Variants in TANC1 observed in about 807,000 individuals in gnomAD.
TANC1 encodes the protein protein TANC1.
In TANC1, 77 loss-of-function variants were observed where a neutral mutation model predicts 149.7. The observed-to-expected ratio is 0.51, with a 90% CI of 0.43 to 0.62. The LOEUF is 0.62. Among genes scored for constraint, TANC1 ranks in the 20% least tolerant of loss-of-function variants. The pLI is 0.00. For missense variants in TANC1, 1,985 were observed against 2,321.8 expected, an observed-to-expected ratio of 0.85 and a Z score of 2.98; for synonymous variants, 854 against 925.0, an observed-to-expected ratio of 0.92 and a Z score of 1.39.
At chr2:159,159,266 C>A (rs1050388496) in intron 7 of TANC1, among the ~76,000 whole-genome samples, 2 of 151,688 alleles carry the variant, frequency 1.3e-5, no homozygotes, top group African/African-American at 4.8e-5. Context: ...GGCAACATGG[C>A]GGCACCCTGT....
At chr2:159,132,079 C>T (rs11904329) in intron 4 of TANC1, among the ~76,000 whole-genome samples, 5,236 of 152,274 alleles carry the variant, frequency 0.034, 105 homozygotes, top group Non-Finnish European at 0.047. Flanking sequence ...AGTGCCTGGG[C>T]TTCAAAACTG....
At chr2:159,200,291 C>T (rs551276566) in intron 19 of TANC1, among the ~76,000 whole-genome samples, 1 of 152,220 alleles carries the variant, frequency 6.6e-6, no homozygotes, top group Admixed American at 6.5e-5. Flanking sequence ...TGGGCTTAGA[C>T]ATTCTGATTC....
intron 2 of TANC1, chr2:159,055,878 A>G (rs1189596712): frequency 1.2e-5 from 2 of 164,610 alleles, no homozygotes; most frequent in Non-Finnish European, 2.6e-5. Flanking sequence ...TAGCTTATTT[A>G]TTTATTTATT....
chr2:159,129,116 T>C (rs1053399463), intron 4 of TANC1, among the ~76,000 whole-genome samples: 4 of 152,174 alleles, frequency 2.6e-5, no homozygotes, highest in African/African-American at 7.2e-5. Flanking sequence ...CCTCCAGATA[T>C]CATGAAAAAT....
At chr2:159,063,918 C>T (rs1196959297) in intron 2 of TANC1, among the ~76,000 whole-genome samples, 3 of 152,064 alleles carry the variant, frequency 2.0e-5, no homozygotes, top group Non-Finnish European at 4.4e-5. Flanking sequence ...GGGAGCAGCT[C>T]ATGGATGTGG....
At chr2:159,178,392 A>C (rs1359341333) in intron 13 of TANC1, among the ~76,000 whole-genome samples, 164 bp from the exon 14 acceptor site, 1 of 152,220 alleles carries the variant, frequency 6.6e-6, no homozygotes, top group Non-Finnish European at 1.5e-5. Context: ...TAAGCTTTTT[A>C]TCTTCACCTT....
intron 13 of TANC1, among the ~76,000 whole-genome samples, chr2:159,177,795 G>C (rs537052732): frequency 6.6e-6 from 1 of 152,306 alleles, no homozygotes; most frequent in South Asian, 2.1e-4. Flanking sequence ...TGTCAGATGT[G>C]CTTAATCTTT....
intron 4 of TANC1, among the ~76,000 whole-genome samples, chr2:159,129,098 T>G (rs2049803743): frequency 6.6e-6 from 1 of 152,216 alleles, no homozygotes; most frequent in South Asian, 2.1e-4. Flanking sequence ...CAGTGTCACT[T>G]TTCACAGCCT....
chr2:159,194,726 G>C (rs1019116065), intron 17 of TANC1, among the ~76,000 whole-genome samples: 1 of 152,238 alleles, frequency 6.6e-6, no homozygotes, highest in Admixed American at 6.5e-5. Flanking sequence ...ATTCCAGGGA[G>C]ACCCTGGCTC....
intron 2 of TANC1, among the ~76,000 whole-genome samples, chr2:159,005,121 C>T (rs766968353): frequency 6.6e-6 from 1 of 152,124 alleles, no homozygotes; most frequent in East Asian, 1.9e-4. Flanking sequence ...CTGGGTGGGC[C>T]AGTTGTTCCT....
chr2:158,971,662 A>G (rs1461845489), intron 1 of TANC1, among the ~76,000 whole-genome samples: 1 of 152,116 alleles, frequency 6.6e-6, no homozygotes, highest in Non-Finnish European at 1.5e-5. Context: ...CATTTTTTTC[A>G]TCCCTAAAAT....
chr2:159,004,785 CA>C (rs1430281118), intron 2 of TANC1, among the ~76,000 whole-genome samples: 8 of 151,980 alleles, frequency 5.3e-5, no homozygotes, highest in African/African-American at 1.7e-4. Flanking sequence ...GACCCTAACC[CA>C]GGGGTGCTAG....
chr2:159,147,905 T>C (rs1039568392), intron 5 of TANC1: 1 of 152,152 alleles, frequency 6.6e-6, no homozygotes, highest in Non-Finnish European at 1.5e-5. Flanking sequence ...AAAACTGATA[T>C]GTGAGTGACA....
At chr2:159,102,103 G>A (rs2149955627) in intron 4 of TANC1, among the ~76,000 whole-genome samples, 1 of 152,262 alleles carries the variant, frequency 6.6e-6, no homozygotes, top group African/African-American at 2.4e-5. Context: ...ATGAGTTAAT[G>A]TCTGCGAAGG....
At position 159,097,321 on chromosome 2, in the gene TANC1, GCTT is replaced by G. The variant is rs560068327; in HGVS notation, c.62-312_62-310del. Among the ~76,000 whole-genome samples the G allele has an allele frequency of 1.5e-3, 233 of 152,262 alleles. 1 individual carries two copies. The highest frequency in any genetic ancestry group is 5.5e-3 in the African/African-American group (227 of 41,538). The stretch of plus-strand genomic sequence containing the variant: ...CTCCTTTTCCTTTTCTGAGATCAAA[GCTT>G]CTTGTGGATCATTCATACTTGACCT... On this transcript the variant is annotated intron_variant, in intron 3 of 26. Coordinates refer to ENST00000263635, the MANE Select transcript of TANC1 (RefSeq NM_033394.3).
At chr2:159,205,855 T>C (rs781599819) in intron 19 of TANC1, among the ~76,000 whole-genome samples, 40 of 152,214 alleles carry the variant, frequency 2.6e-4, no homozygotes, top group Non-Finnish European at 5.6e-4. Flanking sequence ...CCATGGCTTG[T>C]TGGGGCATGT....
chr2:159,116,374 C>T (rs1158116455), intron 4 of TANC1, among the ~76,000 whole-genome samples: 3 of 151,770 alleles, frequency 2.0e-5, no homozygotes, highest in Non-Finnish European at 2.9e-5. Flanking sequence ...TTGCAGTTAG[C>T]CGAGATTGTA....
intron 4 of TANC1, among the ~76,000 whole-genome samples, chr2:159,122,864 A>T (rs2049003057): frequency 6.7e-6 from 1 of 149,698 alleles, no homozygotes. Context: ...TTGCATCTTC[A>T]CCAGCAGTTT....
At chr2:158,987,006 T>C (rs1366961177) in intron 1 of TANC1, among the ~76,000 whole-genome samples, 1 of 151,466 alleles carries the variant, frequency 6.6e-6, no homozygotes, top group South Asian at 2.1e-4. Context: ...CCTGAGGTTC[T>C]TGGTTTGCCA....
Sources: gnomAD v4.1 joint callset for allele counts (sites outside exome capture counted in the v4.1 genomes callset) on GRCh38, gnomAD v4.1.1 for gene constraint, MANE v1.5 for transcripts, NCBI Gene and HGNC (gene_info 2026-07-23, HGNC 2026-07-21) for gene names.